Variants in HACD4 observed in about 807,000 individuals in gnomAD.
HACD4 encodes 3-hydroxyacyl-CoA dehydratase 4.
A neutral mutation model predicts 33.3 loss-of-function variants in HACD4; 35 were observed. That is an observed-to-expected ratio of 1.05 (90% CI 0.80 to 1.39). The LOEUF is 1.39. Ranked by LOEUF, HACD4 falls within the 40% of genes most tolerant of loss-of-function variation. The pLI, the probability that HACD4 is intolerant of heterozygous loss-of-function variation, is 0.00. For missense variants in HACD4, 323 were observed against 276.5 expected, an observed-to-expected ratio of 1.17 and a Z score of -1.19; for synonymous variants, 118 against 98.0, an observed-to-expected ratio of 1.20 and a Z score of -1.21.
chr9:21,020,804 C>A (rs535467694), intron 3 of HACD4, among the ~76,000 whole-genome samples: 1 of 152,026 alleles, frequency 6.6e-6, no homozygotes, highest in Non-Finnish European at 1.5e-5. Context: ...TAAATAGCTA[C>A]GCTATGGTTT....
intron 3 of HACD4, among the ~76,000 whole-genome samples, chr9:21,020,410 T>C (rs1817877749): frequency 6.6e-6 from 1 of 152,116 alleles, no homozygotes; most frequent in Non-Finnish European, 1.5e-5. Flanking sequence ...TCTTCTTGAG[T>C]TGAAACATCC....
rs1002257362 is a variant in HACD4, at chr9:21,005,436, A to C, written c.*1601T>G. The stretch of plus-strand genomic sequence containing the variant: ...AGATTTATGTGGGTGTGAACCACAG[A>C]CCTAATCAGCCACCCCAGCAGGAAC... On this transcript the variant is annotated 3_prime_UTR_variant, in exon 7 of 7. Transcript: ENST00000495827. The surrounding 1 kb of genome is among the most constrained non-coding windows in gnomAD (Gnocchi z 4.0). The C allele has an allele frequency of 6.6e-6, 1 of 152,238 alleles. No individual in the cohort carries two copies. Among genetic ancestry groups the C allele is most frequent in the South Asian group, 2.1e-4 (1 of 4,824 alleles). 9.4% of individuals were successfully genotyped at this position (152,238 alleles called of 1,614,324 possible).
intron 5 of HACD4, among the ~76,000 whole-genome samples, chr9:21,008,781 G>A (rs533255604): frequency 6.2e-4 from 95 of 152,212 alleles, no homozygotes; most frequent in African/African-American, 2.2e-3. Context: ...AACATTTCAT[G>A]CAATGAAATG....
At chr9:21,027,947 C>A (rs1266358984) in intron 2 of HACD4, among the ~76,000 whole-genome samples, 1 of 151,852 alleles carries the variant, frequency 6.6e-6, no homozygotes, top group African/African-American at 2.4e-5. Flanking sequence ...CCAGCCTGGC[C>A]AATGTGGTGA....
chr9:21,022,779 A>T (rs1817955035), intron 3 of HACD4, among the ~76,000 whole-genome samples: 2 of 151,968 alleles, frequency 1.3e-5, no homozygotes, highest in African/African-American at 2.4e-5. Context: ...GGGACTGTAA[A>T]CTAGTTCAAC....
At chr9:21,025,152 A>G (rs1818029820) in intron 3 of HACD4, among the ~76,000 whole-genome samples, 1 of 152,164 alleles carries the variant, frequency 6.6e-6, no homozygotes. Context: ...ATTAGTTTAT[A>G]CACCATTACC....
intron 2 of HACD4, 104 bp downstream of exon 2, chr9:21,029,191 G>T: frequency 1.6e-6 from 1 of 645,134 alleles, no homozygotes; most frequent in East Asian, 2.9e-5. Context: ...AAATTTTAGA[G>T]AAGGATATTA....
intron 1 of HACD4, among the ~76,000 whole-genome samples, chr9:21,029,733 A>T (rs1246443726): frequency 6.6e-6 from 1 of 152,210 alleles, no homozygotes; most frequent in African/African-American, 2.4e-5. Flanking sequence ...AGCCTAGTCT[A>T]CCTTAAACTT....
rs183184294 is a variant in HACD4 at position 21,017,306 on chromosome 9, C to T, written c.271-1296G>A. Among the ~76,000 whole-genome samples, 21 of 152,182 alleles carry T rather than the reference C, an allele frequency of 1.4e-4. 1 individual carries two copies. The highest frequency in any genetic ancestry group is 2.8e-4 in the Non-Finnish European group (19 of 68,012). ...TATCAGCATGTTTACGACATGACTACAGTGGTGAGTCAAGAGGGTCTATGT... is the reference window on the plus strand; with the variant it reads ...TATCAGCATGTTTACGACATGACTATAGTGGTGAGTCAAGAGGGTCTATGT... On this transcript the variant is annotated intron_variant, in intron 3 of 6. Coordinates refer to ENST00000495827, the MANE Select transcript of HACD4 (RefSeq NM_001010915.5).
Position 21,031,621 on chromosome 9 carries a change from T to C in HACD4, c.-31A>G. On this transcript the variant is annotated 5_prime_UTR_variant, in exon 1 of 7. Coordinates refer to ENST00000495827, the MANE Select transcript of HACD4 (RefSeq NM_001010915.5). The stretch of plus-strand genomic sequence containing the variant: ...GCCGCCGCCAGGGCTTCCAGCGCGG[T>C]CCAGGAAGGAGTACCGGGGAGGAGG... 5.1e-6 allele frequency: 7 copies of C among 1,384,562 alleles called. No individual in the cohort carries two copies. The highest frequency in any genetic ancestry group is 6.5e-6 in the Non-Finnish European group (7 of 1,074,632). 85.8% of individuals were successfully genotyped at this position (1,384,562 alleles called of 1,614,324 possible).
intron 3 of HACD4, among the ~76,000 whole-genome samples, chr9:21,021,270 T>A (rs1375338795): frequency 6.6e-6 from 1 of 152,136 alleles, no homozygotes; most frequent in African/African-American, 2.4e-5. Context: ...ACAGCCAATA[T>A]CATACTGAAT....
chr9:21,007,943 T>A, intron 6 of HACD4, 78 bp downstream of exon 6: 1 of 1,337,904 alleles, frequency 7.5e-7, no homozygotes, highest in Non-Finnish European at 1.0e-6. Flanking sequence ...TTTACCAACC[T>A]GTATATTAAG....
chr9:21,031,550 T>C lies in HACD4; in HGVS notation c.38+3A>G. 3 of 1,460,668 alleles carry C rather than the reference T, an allele frequency of 2.1e-6. No homozygotes were observed. Among genetic ancestry groups the C allele is most frequent in the Non-Finnish European group, 2.7e-6 (3 of 1,113,188 alleles). 90.5% of individuals were successfully genotyped at this position (1,460,668 alleles called of 1,614,324 possible). A position where few individuals can be genotyped will look rare whatever the true frequency, so the allele number is the denominator to read the frequency against. On this transcript the variant is annotated splice_donor_region_variant and intron_variant, in intron 1 of 6. Transcript: ENST00000495827. ...CCCCTCGGGATTCGGCCGAGCGCCC[T>C]ACCTGGGCTGCAGCCAGGCGGGCAG...
intron 2 of HACD4, 85 bp from the exon 3 acceptor site, chr9:21,026,808 G>A: frequency 9.4e-7 from 1 of 1,067,238 alleles, no homozygotes. Flanking sequence ...GAAGTCAAAT[G>A]GAGATTATTC....
chr9:21,024,415 C>A (rs1323434677), intron 3 of HACD4, among the ~76,000 whole-genome samples: 2 of 152,168 alleles, frequency 1.3e-5, no homozygotes, highest in Non-Finnish European at 2.9e-5. Context: ...GCAAACTCGC[C>A]TTTGAATAAA....
intron 3 of HACD4, among the ~76,000 whole-genome samples, chr9:21,020,764 C>T (rs570656173): frequency 1.3e-5 from 2 of 151,858 alleles, no homozygotes; most frequent in African/African-American, 2.4e-5. Context: ...TTTTTATTGT[C>T]GTGTAATTAT....
chr9:21,028,744 T>C (rs1156596092), intron 2 of HACD4, among the ~76,000 whole-genome samples: 1 of 152,206 alleles, frequency 6.6e-6, no homozygotes, highest in East Asian at 1.9e-4. Context: ...TTCAGGAAAC[T>C]AGAGGAAGTT....
At chr9:21,028,667 G>A (rs565556590) in intron 2 of HACD4, among the ~76,000 whole-genome samples, 1 of 152,288 alleles carries the variant, frequency 6.6e-6, no homozygotes, top group African/African-American at 2.4e-5. Context: ...ACTTACCCAC[G>A]TGCGGATGGA....
At position 21,001,597 on chromosome 9, in the gene HACD4, CAGAA is replaced by C. The variant is rs1279593090; in HGVS notation, c.*5436_*5439del. ...CCACACAACTATCAAAAGCCAAAGACAGAAAGAGAATCTTGAAAGTAGCATGAAA... is the reference window on the plus strand; with the variant it reads ...CCACACAACTATCAAAAGCCAAAGACAGAGAATCTTGAAAGTAGCATGAAA... On this transcript the variant is annotated 3_prime_UTR_variant, in exon 7 of 7. Coordinates refer to ENST00000495827, the MANE Select transcript of HACD4 (RefSeq NM_001010915.5). 1 of 152,042 alleles carries C rather than the reference CAGAA, an allele frequency of 6.6e-6. No individual in the cohort carries two copies. Among genetic ancestry groups the C allele is most frequent in the Non-Finnish European group, 1.5e-5 (1 of 67,952 alleles). 9.4% of individuals were successfully genotyped at this position (152,042 alleles called of 1,614,324 possible). A position where few individuals can be genotyped will look rare whatever the true frequency, so the allele number is the denominator to read the frequency against.
Sources: gnomAD v4.1 joint callset for allele counts (sites outside exome capture counted in the v4.1 genomes callset) on GRCh38, gnomAD v4.1.1 for gene constraint, Gnocchi (gnomAD v3.1) non-coding constraint, MANE v1.5 for transcripts, NCBI Gene and HGNC (gene_info 2026-07-23, HGNC 2026-07-21) for gene names.